Variants in LRRK2 observed in about 807,000 individuals in gnomAD.
LRRK2 encodes the protein leucine-rich repeat serine/threonine-protein kinase 2.
LRRK2 carries 203 observed loss-of-function variants against 302.6 expected under a neutral mutation model. The observed-to-expected ratio is 0.67, with a 90% confidence interval of 0.60 to 0.75. The LOEUF is 0.75. LRRK2 is among the 30% of genes least tolerant of loss of function. LRRK2 has a pLI of 0.00. For missense variants in LRRK2, 2,830 were observed against 2,951.0 expected, an observed-to-expected ratio of 0.96 and a Z score of 0.95; for synonymous variants, 1,066 against 1,031.9, an observed-to-expected ratio of 1.03 and a Z score of -0.63.
chr12:40,343,438 C>T (rs4768232), intron 41 of LRRK2, among the ~76,000 whole-genome samples: 116,830 of 152,048 alleles, frequency 0.77, 45,724 homozygotes, highest in Non-Finnish European at 0.86. Flanking sequence ...AAAATGTTAC[C>T]GGCTGGACAT....
intron 20 of LRRK2, among the ~76,000 whole-genome samples, chr12:40,291,678 A>G (rs2136696657): frequency 6.6e-6 from 1 of 152,028 alleles, no homozygotes; most frequent in Non-Finnish European, 1.5e-5. Flanking sequence ...TGTGCAACTG[A>G]AAAGAAAGTA....
intron 30 of LRRK2, among the ~76,000 whole-genome samples, chr12:40,309,580 A>G (rs1023386764): frequency 6.6e-6 from 1 of 151,868 alleles, no homozygotes; most frequent in Non-Finnish European, 1.5e-5. Flanking sequence ...AAAGCAATCT[A>G]TATATATATA....
chr12:40,241,883 G>A (rs986392961), intron 6 of LRRK2, among the ~76,000 whole-genome samples: 1 of 152,186 alleles, frequency 6.6e-6, no homozygotes, highest in Admixed American at 6.5e-5. Context: ...ACACTGGAAA[G>A]TGGGTGGGGC....
intron 47 of LRRK2, among the ~76,000 whole-genome samples, chr12:40,361,578 T>C (rs1282083940): frequency 1.3e-5 from 2 of 152,084 alleles, no homozygotes; most frequent in Non-Finnish European, 2.9e-5. Context: ...TTTATTTTTT[T>C]ATTTCATAGC....
rs1195337290 is a variant in LRRK2 at position 40,287,331 on chromosome 12, G to A, written c.2501-20G>A. ...CATAATTGTTGATTTCTAAGTTGCT[G>A]GTGTATCTCTTATTTTCAGATATAG... On this transcript the variant is annotated intron_variant, in intron 19 of 50. Coordinates refer to ENST00000298910, the MANE Select transcript of LRRK2 (RefSeq NM_198578.4). The A allele has an allele frequency of 7.0e-6, 11 of 1,581,428 alleles. No homozygotes were observed. The highest frequency in any genetic ancestry group is 9.5e-6 in the Non-Finnish European group (11 of 1,160,428).
At chr12:40,262,477 T>G (rs1392285424) in intron 13 of LRRK2, among the ~76,000 whole-genome samples, 1 of 152,128 alleles carries the variant, frequency 6.6e-6, no homozygotes, top group Non-Finnish European at 1.5e-5. Flanking sequence ...TAAATATTTG[T>G]GCAACAATCT....
chr12:40,322,410 A>C lies in LRRK2; in HGVS notation c.5409A>C (p.Glu1803Asp), dbSNP rs1457001109. The change falls in exon 37 of 51, where the codon GAA becomes GAC. Residue 1803 changes from glutamate to aspartate, a missense_variant. Coordinates refer to ENST00000298910, the MANE Select transcript of LRRK2 (RefSeq NM_198578.4). The stretch of plus-strand genomic sequence containing the variant: ...TGCTGGAGATTGATATTTGTGGTGA[A>C]GGAGAAACTCTGTTGAAGAAATGGG... Reference protein sequence around the residue: ...PGLLEIDICGEGETLLKKWAL... With the variant: ...PGLLEIDICGDGETLLKKWAL... The C allele has an allele frequency of 6.2e-7, 1 of 1,613,576 alleles. No individual in the cohort carries two copies. Among genetic ancestry groups the C allele is most frequent in the South Asian group, 1.1e-5 (1 of 91,070 alleles).
chr12:40,225,280 G>A lies in LRRK2; in HGVS notation c.149G>A (p.Arg50His), dbSNP rs2256408. The A allele has an allele frequency of 0.99, 1,605,673 of 1,614,078 alleles. 799,029 individuals carry two copies. Among genetic ancestry groups the A allele is most frequent in the East Asian group, 1 (44,862 of 44,862 alleles). ...EDLLVFTYSE[R>H]ASKLFQGKNI... ...CTGCTGGTGTTCACGTACTCCGAGC[G>A]CGGTAATCACTTGAAAATAAACTGT... is the stretch of plus-strand genomic sequence containing the variant. The change falls in exon 1 of 51, where the codon CGC (arginine) becomes CAC (histidine). Residue 50 changes from arginine (R) to histidine (H), a missense_variant and splice_region_variant. Around this residue, in one of 3 missense-constraint regions of LRRK2, gnomAD observed 2,121 missense variants for 2,148.0 expected, o/e 0.99. Transcript: ENST00000298910.
rs73268087 is a variant in LRRK2 at position 40,293,480 on chromosome 12, A to T, written c.2690-65A>T. On this transcript the variant is annotated intron_variant, in intron 20 of 50. Transcript: ENST00000298910. ...TCTTCCATGATTGAACTATGATAGA[A>T]GGATCTTATGATTGAGTAAGCTTTT... 5.9e-3 allele frequency: 5,802 copies of T among 985,106 alleles called. 240 individuals carry two copies. In the African/African-American group the frequency reaches 0.081, roughly 14 times the overall value. The allele number at this position is 985,106 out of a possible 1,614,324, so 61.0% of individuals were successfully genotyped here.
At chr12:40,269,413 C>T (rs987176987) in intron 14 of LRRK2, among the ~76,000 whole-genome samples, 2 of 152,046 alleles carry the variant, frequency 1.3e-5, no homozygotes, top group African/African-American at 2.4e-5. Context: ...AGACATCTTG[C>T]GGAATACTGT....
At chr12:40,293,712 T>G in intron 21 of LRRK2, 49 bp downstream of exon 21, 8 of 1,262,278 alleles carry the variant, frequency 6.3e-6, no homozygotes, top group Non-Finnish European at 8.1e-6. Context: ...GCTGCTGACA[T>G]TCTCTTGATA....
intron 6 of LRRK2, among the ~76,000 whole-genome samples, chr12:40,242,582 A>G (rs958237146): frequency 1.3e-5 from 2 of 151,664 alleles, no homozygotes; most frequent in African/African-American, 2.4e-5. Flanking sequence ...TGCCTTGTAC[A>G]TTGGTTGCCC....
Position 40,366,628 on chromosome 12 carries a change from A to G in LRRK2, c.7391-378A>G, listed in dbSNP as rs529489068. ...TATCCATCCATCTAAGTGTCCATCT[A>G]AATACTCATATTTGTACTAAATACT... On this transcript the variant is annotated intron_variant, in intron 49 of 50. Coordinates refer to ENST00000298910, the MANE Select transcript of LRRK2 (RefSeq NM_198578.4). 1.5e-5 allele frequency: 3 copies of G among 206,150 alleles called. No homozygotes were observed. The East Asian group carries it at 4.1e-4, about 28-fold the overall frequency. 12.8% of individuals were successfully genotyped at this position (206,150 alleles called of 1,614,324 possible).
chr12:40,304,934 C>G (rs969447851), intron 27 of LRRK2: 1 of 152,072 alleles, frequency 6.6e-6, no homozygotes, highest in South Asian at 2.1e-4. Flanking sequence ...CACCAAATCT[C>G]TGTCCAATCT....
At chr12:40,332,152 C>T (rs998011851) in intron 39 of LRRK2, among the ~76,000 whole-genome samples, 6 of 152,198 alleles carry the variant, frequency 3.9e-5, no homozygotes, top group African/African-American at 1.2e-4. Context: ...TGTTACCAAA[C>T]TGATCACTGT....
At chr12:40,267,180 G>GAT (rs1480723560) in intron 14 of LRRK2, among the ~76,000 whole-genome samples, 1 of 152,152 alleles carries the variant, frequency 6.6e-6, no homozygotes, top group Non-Finnish European at 1.5e-5. Context: ...CCCTACTGGA[G>GAT]ATAGCTTTGC....
rs1339138341 is a variant in LRRK2 at position 40,298,607 on chromosome 12, A to G, written c.3347+114A>G. On this transcript the variant is annotated intron_variant, in intron 24 of 50. Transcript: ENST00000298910. The stretch of plus-strand genomic sequence containing the variant: ...AACAACATGGTGAAACTCCATCTCT[A>G]CTAAAAATACAAAAATTAGCCCAGC... The G allele has an allele frequency of 5.9e-6, 8 of 1,366,830 alleles. No homozygotes were observed. In the East Asian group the frequency reaches 9.3e-5, roughly 16 times the overall value. The allele number at this position is 1,366,830 out of a possible 1,614,324, so 84.7% of individuals were successfully genotyped here.
At chr12:40,357,127 C>G (rs980894523) in intron 46 of LRRK2, among the ~76,000 whole-genome samples, 15 of 152,186 alleles carry the variant, frequency 9.9e-5, no homozygotes, top group Admixed American at 9.8e-4. Flanking sequence ...AACTATCATT[C>G]TACTCTCTAC....
chr12:40,247,429 TCTA>T (rs10544982), intron 7 of LRRK2, among the ~76,000 whole-genome samples: 78,052 of 146,320 alleles, frequency 0.53, 21,947 homozygotes, highest in South Asian at 0.66. Flanking sequence ...TATATATGAA[TCTA>T]CTTATATACT....
Sources: allele counts gnomAD v4.1 joint callset (sites outside exome capture counted in the v4.1 genomes callset), GRCh38; gene constraint gnomAD v4.1.1; regional missense constraint gnomAD v4.1.1; transcripts MANE v1.5; gene names NCBI Gene and HGNC (gene_info 2026-07-23, HGNC 2026-07-21).